Variants in LHFPL2 observed in about 807,000 individuals in gnomAD.
LHFPL2 encodes LHFPL tetraspan subfamily member 2 protein.
A neutral mutation model predicts 17.5 loss-of-function variants in LHFPL2; 7 were observed. That is an observed-to-expected ratio of 0.40 (90% CI 0.23 to 0.75). The LOEUF is 0.75. LHFPL2 is among the 30% of genes least tolerant of loss of function. The pLI, the probability that LHFPL2 is intolerant of heterozygous loss-of-function variation, is 0.37. For synonymous variants in LHFPL2, 134 were observed against 116.2 expected (o/e 1.15, Z -0.99); for missense variants, 241 against 294.8 (o/e 0.82, Z 1.34).
chr5:78,495,934 G>T (rs1010472795), intron 4 of LHFPL2, among the ~76,000 whole-genome samples: 1 of 152,142 alleles, frequency 6.6e-6, no homozygotes, highest in Non-Finnish European at 1.5e-5. Flanking sequence ...ACCATTCCTC[G>T]AACAGGGGCC....
chr5:78,632,151 C>T (rs1359800067), intron 2 of LHFPL2, 113 bp downstream of exon 2: 1 of 152,188 alleles, frequency 6.6e-6, no homozygotes, highest in Non-Finnish European at 1.5e-5. Context: ...GACCAATTTA[C>T]ACCTTTCTTA....
At chr5:78,633,944 G>GAGCCTTT (rs1401847128) in intron 1 of LHFPL2, among the ~76,000 whole-genome samples, 40 of 152,208 alleles carry the variant, frequency 2.6e-4, no homozygotes, top group African/African-American at 9.6e-4. Flanking sequence ...GCTCCATGTG[G>GAGCCTTT]TTTTATTAGA....
At chr5:78,574,134 A>G (rs1580819784) in intron 2 of LHFPL2, among the ~76,000 whole-genome samples, 1 of 152,332 alleles carries the variant, frequency 6.6e-6, no homozygotes, top group Middle Eastern at 3.4e-3. Flanking sequence ...TTATTTACAT[A>G]ATGTCTGTTC....
chr5:78,584,862 G>A (rs1743306704), intron 2 of LHFPL2, among the ~76,000 whole-genome samples: 1 of 152,102 alleles, frequency 6.6e-6, no homozygotes, highest in South Asian at 2.1e-4. Flanking sequence ...CCTGGGCAAT[G>A]GCGGGCACCC....
rs1456493401 is a variant in LHFPL2 at position 78,570,234 on chromosome 5, C to T, written c.-244-5363G>A. On this transcript the variant is annotated intron_variant, in intron 2 of 4. Transcript: ENST00000380345. ...AAAGGATCATTGCCCTATGAACATT[C>T]CCTACAGATAGTAGTTAGAAAAGTC... is the stretch of plus-strand genomic sequence containing the variant. Among the ~76,000 whole-genome samples the T allele has an allele frequency of 2.0e-5, 3 of 152,266 alleles. No individual in the cohort carries two copies. In the East Asian group the frequency reaches 5.8e-4, roughly 29 times the overall value.
At chr5:78,537,846 A>G (rs776992963) in intron 3 of LHFPL2, among the ~76,000 whole-genome samples, 61 of 152,316 alleles carry the variant, frequency 4.0e-4, no homozygotes, top group Non-Finnish European at 7.9e-4. Flanking sequence ...GTGTGCATTA[A>G]AAGGATATAA....
At chr5:78,627,261 C>T (rs73148059) in intron 2 of LHFPL2, among the ~76,000 whole-genome samples, 1,921 of 152,200 alleles carry the variant, frequency 0.013, 45 homozygotes, top group African/African-American at 0.044. Flanking sequence ...CTTGTCCTTT[C>T]AGATGATATG....
At chr5:78,614,849 G>A (rs1454341057) in intron 2 of LHFPL2, among the ~76,000 whole-genome samples, 1 of 152,166 alleles carries the variant, frequency 6.6e-6, no homozygotes, top group African/African-American at 2.4e-5. Flanking sequence ...GATAACACTG[G>A]CTCCAATTTA....
intron 3 of LHFPL2, among the ~76,000 whole-genome samples, chr5:78,540,975 C>T (rs1293267203): frequency 6.6e-6 from 1 of 152,082 alleles, no homozygotes; most frequent in Non-Finnish European, 1.5e-5. Context: ...TCTAGCAGTG[C>T]CAAAAGGAAT....
intron 3 of LHFPL2, among the ~76,000 whole-genome samples, chr5:78,558,247 A>G (rs1756633347): frequency 6.6e-6 from 1 of 152,192 alleles, no homozygotes; most frequent in Admixed American, 6.5e-5. Flanking sequence ...AAAAGCATAC[A>G]TTCGTTATAC....
At chr5:78,558,597 C>T (rs1243659705) in intron 3 of LHFPL2, among the ~76,000 whole-genome samples, 1 of 152,220 alleles carries the variant, frequency 6.6e-6, no homozygotes, top group African/African-American at 2.4e-5. Context: ...CCACCTCAGC[C>T]TCCTGAATAC....
intron 2 of LHFPL2, among the ~76,000 whole-genome samples, chr5:78,630,108 G>T (rs1745187862): frequency 6.6e-6 from 1 of 152,212 alleles, no homozygotes; most frequent in Non-Finnish European, 1.5e-5. Flanking sequence ...CCTACATGGA[G>T]CCGGGCAGCT....
intron 3 of LHFPL2, among the ~76,000 whole-genome samples, chr5:78,511,597 T>C (rs1288353769): frequency 6.6e-6 from 1 of 152,190 alleles, no homozygotes; most frequent in East Asian, 1.9e-4. Context: ...CCCTGGCATG[T>C]TGGGAGTGGG....
At chr5:78,494,300 G>A in intron 4 of LHFPL2, 1 of 910,256 alleles carries the variant, frequency 1.1e-6, no homozygotes, top group Non-Finnish European at 1.3e-6. Context: ...ACACTGGCCA[G>A]CCACCAAAGA....
chr5:78,489,166 A>G lies in LHFPL2; in HGVS notation c.431-13T>C, dbSNP rs977415974. On this transcript the variant is annotated splice_polypyrimidine_tract_variant and intron_variant, in intron 4 of 4. Coordinates refer to ENST00000380345, the MANE Select transcript of LHFPL2 (RefSeq NM_005779.3). Reference sequence around the variant, plus strand: ...ATAAGGAATAGACCTGCAGAACAAAAGAGAAAACAGATTAGAAAATCCCCA... The same window carrying G: ...ATAAGGAATAGACCTGCAGAACAAAGGAGAAAACAGATTAGAAAATCCCCA... The G allele has an allele frequency of 1.9e-6, 3 of 1,613,200 alleles. No homozygotes were observed. The South Asian group carries it at 3.3e-5, about 18-fold the overall frequency.
chr5:78,589,708 G>A (rs772279187), intron 2 of LHFPL2, among the ~76,000 whole-genome samples: 4 of 152,182 alleles, frequency 2.6e-5, no homozygotes, highest in Non-Finnish European at 4.4e-5. Context: ...AGCAGCATAC[G>A]TGCTGGTTCA....
At chr5:78,645,765 T>C (rs1745853963) in intron 1 of LHFPL2, among the ~76,000 whole-genome samples, 1 of 152,258 alleles carries the variant, frequency 6.6e-6, no homozygotes, top group African/African-American at 2.4e-5. Context: ...GTCTTTTTAG[T>C]AGAGACAGGC....
At chr5:78,497,415 G>GCA (rs1754640887) in intron 4 of LHFPL2, among the ~76,000 whole-genome samples, 1 of 152,026 alleles carries the variant, frequency 6.6e-6, no homozygotes, top group East Asian at 1.9e-4. Flanking sequence ...CTACCCTACT[G>GCA]CACACTACCT....
chr5:78,643,752 G>A (rs1254661098), intron 1 of LHFPL2, among the ~76,000 whole-genome samples: 1 of 152,116 alleles, frequency 6.6e-6, no homozygotes, highest in Non-Finnish European at 1.5e-5. Context: ...ATCAGGAGAG[G>A]TTAGTGGCTA....
Sources: allele counts gnomAD v4.1 joint callset (sites outside exome capture counted in the v4.1 genomes callset), GRCh38; gene constraint gnomAD v4.1.1; transcripts MANE v1.5; gene names NCBI Gene and HGNC (gene_info 2026-07-23, HGNC 2026-07-21).